Variants in NRG3 observed in about 807,000 individuals in gnomAD.
NRG3 encodes neuregulin 3, also known as pro-neuregulin-3, membrane-bound isoform.
A neutral mutation model predicts 66.9 loss-of-function variants in NRG3; 31 were observed. The observed-to-expected ratio is 0.46, with a 90% CI of 0.35 to 0.63. NRG3 has a LOEUF of 0.63. Among genes scored for constraint, NRG3 ranks in the 20% least tolerant of loss-of-function variants. The pLI is 0.00. For synonymous variants in NRG3, 393 were observed against 359.4 expected (o/e 1.09, Z -1.06); for missense variants, 910 against 878.9 (o/e 1.04, Z -0.45).
Position 82,755,990 on chromosome 10 carries a change from T to C in NRG3, c.1027+17340T>C, listed in dbSNP as rs76260449. Among the ~76,000 whole-genome samples the C allele has an allele frequency of 8.0e-3, 1,213 of 152,230 alleles. 9 individuals carry two copies. The highest frequency in any genetic ancestry group is 0.027 in the African/African-American group (1,134 of 41,560). ...TGTTCTTGCACCTTGCAGTTGCACC[T>C]AGCATCTTCCTGATTTACAGTCTCA... On this transcript the variant is annotated intron_variant, in intron 3 of 8. Coordinates refer to ENST00000372141, the MANE Select transcript of NRG3 (RefSeq NM_001010848.4).
rs553943908 is a variant in NRG3 at position 82,575,713 on chromosome 10, AGGGAC to A, written c.954-162863_954-162859del. ...CATTTCCTATGGGGCCAAAAATCAA[AGGGAC>A]AATATAGATTAATTGAAACAGCAGA... On this transcript the variant is annotated intron_variant, in intron 2 of 8. Transcript: ENST00000372141. Among the ~76,000 whole-genome samples the A allele has an allele frequency of 3.4e-4, 52 of 151,926 alleles. 1 individual carries two copies. The East Asian group carries it at 9.9e-3, about 29-fold the overall frequency.
At chr10:82,549,039 CTT>C (rs1359149566) in intron 2 of NRG3, among the ~76,000 whole-genome samples, 2 of 152,182 alleles carry the variant, frequency 1.3e-5, no homozygotes, top group African/African-American at 2.4e-5. Context: ...CTGGAACTGA[CTT>C]TGGAGTCCAA....
chr10:82,984,897 C>G, intron 8 of NRG3: 1 of 1,347,766 alleles, frequency 7.4e-7, no homozygotes, highest in Non-Finnish European at 1.1e-6. Flanking sequence ...CACTTATTTT[C>G]TGTGTGACCT....
At chr10:82,010,165 T>G (rs576517249) in intron 1 of NRG3, among the ~76,000 whole-genome samples, 1 of 152,286 alleles carries the variant, frequency 6.6e-6, no homozygotes, top group African/African-American at 2.4e-5. Context: ...AACCATCAAG[T>G]GACATTATAA....
At chr10:82,698,508 CCA>C (rs1254433357) in intron 2 of NRG3, among the ~76,000 whole-genome samples, 6 of 151,958 alleles carry the variant, frequency 3.9e-5, no homozygotes, top group Non-Finnish European at 8.8e-5. Flanking sequence ...TACAAAAATA[CCA>C]GAGAAAACAT....
intron 1 of NRG3, among the ~76,000 whole-genome samples, chr10:81,923,215 C>T (rs1034560547): frequency 3.3e-5 from 5 of 152,138 alleles, no homozygotes; most frequent in Non-Finnish European, 2.9e-5. Flanking sequence ...ATCAGACTAC[C>T]TACCTGTGGG....
intron 1 of NRG3, among the ~76,000 whole-genome samples, chr10:82,236,025 C>G (rs1042481607): frequency 6.6e-6 from 1 of 151,816 alleles, no homozygotes; most frequent in Non-Finnish European, 1.5e-5. Flanking sequence ...CACATACATA[C>G]ACACACACAC....
intron 2 of NRG3, among the ~76,000 whole-genome samples, chr10:82,546,038 G>A (rs554775030): frequency 4.6e-5 from 7 of 152,098 alleles, no homozygotes; most frequent in African/African-American, 1.4e-4. Flanking sequence ...CAAAGTGCTG[G>A]GATTACAGGC....
chr10:82,536,661 G>T (rs1398126867), intron 2 of NRG3, among the ~76,000 whole-genome samples: 1 of 123,396 alleles, frequency 8.1e-6, no homozygotes. Flanking sequence ...TCCCAGCCAA[G>T]AAATTGGATG....
At chr10:82,189,794 A>AAAAT (rs775635982) in intron 1 of NRG3, among the ~76,000 whole-genome samples, 2 of 151,044 alleles carry the variant, frequency 1.3e-5, no homozygotes, top group South Asian at 2.1e-4. Flanking sequence ...TTCTCCATAA[A>AAAAT]AAATAAATAA....
intron 2 of NRG3, among the ~76,000 whole-genome samples, chr10:82,713,050 G>T (rs1007047247): frequency 2.7e-5 from 4 of 145,906 alleles, no homozygotes; most frequent in African/African-American, 1.0e-4. Flanking sequence ...AATCGGGGAG[G>T]TGGAGGTTGC....
chr10:82,121,583 T>C (rs2068093818), intron 1 of NRG3, among the ~76,000 whole-genome samples: 1 of 152,124 alleles, frequency 6.6e-6, no homozygotes, highest in African/African-American at 2.4e-5. Context: ...GTTTGAACTT[T>C]AGATGACATG....
At chr10:82,850,426 A>G (rs758169030) in intron 3 of NRG3, among the ~76,000 whole-genome samples, 8 of 152,324 alleles carry the variant, frequency 5.3e-5, no homozygotes, top group Non-Finnish European at 1.0e-4. Context: ...CTCAATTTGA[A>G]CAACGGGGGA....
intron 3 of NRG3, among the ~76,000 whole-genome samples, chr10:82,742,212 T>G (rs899765233): frequency 1.3e-5 from 2 of 152,094 alleles, no homozygotes; most frequent in African/African-American, 4.8e-5. Flanking sequence ...TCCCAGGCAA[T>G]GCAAAGTTAG....
chr10:82,980,182 G>T (rs564454103), intron 8 of NRG3, among the ~76,000 whole-genome samples: 1 of 151,070 alleles, frequency 6.6e-6, no homozygotes, highest in African/African-American at 2.4e-5. Context: ...TCCAACCTGG[G>T]TGACAGAGTG....
At chr10:82,243,149 C>A (rs2077077819) in intron 1 of NRG3, among the ~76,000 whole-genome samples, 1 of 152,122 alleles carries the variant, frequency 6.6e-6, no homozygotes, top group Non-Finnish European at 1.5e-5. Context: ...GTAAAAGAGA[C>A]CCACTCCAAA....
chr10:82,841,117 G>C (rs1376480138), intron 3 of NRG3, among the ~76,000 whole-genome samples: 1 of 152,094 alleles, frequency 6.6e-6, no homozygotes, highest in Non-Finnish European at 1.5e-5. Flanking sequence ...CTGAGGCATG[G>C]ACTGGAGTTA....
intron 2 of NRG3, among the ~76,000 whole-genome samples, chr10:82,725,621 G>C (rs2057555137): frequency 6.6e-6 from 1 of 152,074 alleles, no homozygotes; most frequent in African/African-American, 2.4e-5. Context: ...TCCAACATAG[G>C]TAAAATTGAT....
intron 4 of NRG3, among the ~76,000 whole-genome samples, chr10:82,943,243 C>A (rs1848722107): frequency 6.6e-6 from 1 of 152,182 alleles, no homozygotes; most frequent in Admixed American, 6.5e-5. Flanking sequence ...TGCAGGTATG[C>A]AATGTTTTTC....
Sources: gnomAD v4.1 joint callset for allele counts (sites outside exome capture counted in the v4.1 genomes callset) on GRCh38, gnomAD v4.1.1 for gene constraint, MANE v1.5 for transcripts, NCBI Gene and HGNC (gene_info 2026-07-23, HGNC 2026-07-21) for gene names.